The following PRKCE variants were observed in gnomAD, a reference collection of about 807,000 sequenced individuals.
PRKCE encodes the protein protein kinase C epsilon.
A neutral mutation model predicts 85.4 loss-of-function variants in PRKCE; 16 were observed. The observed-to-expected ratio is 0.19, with a 90% CI of 0.13 to 0.28. The LOEUF (loss-of-function observed/expected upper bound fraction) is 0.28, where lower values mean the gene tolerates loss of function less well. PRKCE is among the 10% of genes least tolerant of loss of function. The pLI is 1.00. For synonymous variants in PRKCE, 388 were observed against 371.5 expected, an observed-to-expected ratio of 1.04 and a Z score of -0.51; for missense variants, 573 against 975.2, an observed-to-expected ratio of 0.59 and a Z score of 5.49.
intron 1 of PRKCE, among the ~76,000 whole-genome samples, chr2:45,738,083 G>A (rs1247331598): frequency 1.3e-5 from 2 of 152,036 alleles, no homozygotes; most frequent in African/African-American, 4.8e-5. Flanking sequence ...TTTTGTCTGG[G>A]CTCTTGGAAT....
chr2:46,023,411 T>A (rs1706846194), intron 10 of PRKCE, among the ~76,000 whole-genome samples: 1 of 152,276 alleles, frequency 6.6e-6, no homozygotes, highest in African/African-American at 2.4e-5. Context: ...AAGAAATGAC[T>A]GACAGCCACC....
intron 11 of PRKCE, among the ~76,000 whole-genome samples, chr2:46,119,961 G>C (rs533847926): frequency 1.8e-4 from 28 of 152,288 alleles, no homozygotes; most frequent in African/African-American, 6.0e-4. Context: ...GGGTACCCTG[G>C]GAGTTTGTAG....
intron 10 of PRKCE, among the ~76,000 whole-genome samples, chr2:46,081,921 C>T (rs1669115775): frequency 6.6e-6 from 1 of 152,116 alleles, no homozygotes; most frequent in African/African-American, 2.4e-5. Flanking sequence ...CATGGCAAAA[C>T]CCCATCTCTA....
chr2:45,899,115 C>T (rs993423066), intron 2 of PRKCE, among the ~76,000 whole-genome samples: 1 of 152,178 alleles, frequency 6.6e-6, no homozygotes, highest in African/African-American at 2.4e-5. Flanking sequence ...AGACTGCAGC[C>T]GTTTTGAGTG....
intron 1 of PRKCE, among the ~76,000 whole-genome samples, chr2:45,673,241 G>C (rs1438202114): frequency 1.3e-5 from 2 of 152,204 alleles, no homozygotes; most frequent in Non-Finnish European, 2.9e-5. Context: ...CCTTGGAGCA[G>C]GGTTTCCCAA....
At chr2:45,966,383 G>C (rs185865853) in intron 2 of PRKCE, among the ~76,000 whole-genome samples, 2 of 152,130 alleles carry the variant, frequency 1.3e-5, no homozygotes, top group Admixed American at 6.5e-5. Flanking sequence ...GGATACTGTC[G>C]TGTGTGTCAG....
At chr2:45,969,460 CAGCG>C (rs1701961646) in intron 2 of PRKCE, among the ~76,000 whole-genome samples, 1 of 152,198 alleles carries the variant, frequency 6.6e-6, no homozygotes, top group African/African-American at 2.4e-5. Flanking sequence ...CCAGTGCCAG[CAGCG>C]AGCATCTTTT....
At chr2:45,655,734 G>A (rs1333162885) in intron 1 of PRKCE, among the ~76,000 whole-genome samples, 1 of 151,670 alleles carries the variant, frequency 6.6e-6, no homozygotes, top group Non-Finnish European at 1.5e-5. Flanking sequence ...TACTCAGGAG[G>A]CCAAAGTGGG....
At chr2:45,708,547 T>C (rs1378747512) in intron 1 of PRKCE, among the ~76,000 whole-genome samples, 2 of 152,242 alleles carry the variant, frequency 1.3e-5, no homozygotes, top group Non-Finnish European at 2.9e-5. Flanking sequence ...CCATGTAAGA[T>C]GTGACTTGCT....
chr2:46,161,507 T>C (rs1362951047), intron 14 of PRKCE, among the ~76,000 whole-genome samples: 4 of 151,966 alleles, frequency 2.6e-5, no homozygotes, highest in Admixed American at 2.6e-4. Context: ...CAAAACCACA[T>C]TAAACCAGGC....
At chr2:46,163,887 G>A in intron 14 of PRKCE, among the ~76,000 whole-genome samples, 1 of 142,318 alleles carries the variant, frequency 7.0e-6, no homozygotes, top group Non-Finnish European at 1.5e-5. Context: ...CCACGGGAAA[G>A]GTGAGGTGCA....
chr2:45,964,233 C>T (rs996959867), intron 2 of PRKCE, among the ~76,000 whole-genome samples: 3 of 152,208 alleles, frequency 2.0e-5, no homozygotes, highest in Non-Finnish European at 2.9e-5. Context: ...CAGGCAGAGA[C>T]CCTACTAAGA....
chr2:46,164,819 C>T (rs1166810180), intron 14 of PRKCE: 1 of 152,348 alleles, frequency 6.6e-6, no homozygotes, highest in Non-Finnish European at 1.5e-5. Context: ...TCGCTAGAGG[C>T]TGGGGACCCC....
chr2:45,752,159 A>G (rs1323105843), intron 1 of PRKCE, among the ~76,000 whole-genome samples: 4 of 152,238 alleles, frequency 2.6e-5, no homozygotes, highest in Non-Finnish European at 5.9e-5. Context: ...ATCACATGGA[A>G]TAACTGATAT....
intron 1 of PRKCE, among the ~76,000 whole-genome samples, chr2:45,679,633 G>C (rs565550711): frequency 2.6e-5 from 4 of 152,216 alleles, no homozygotes; most frequent in African/African-American, 9.7e-5. Context: ...GAATGATGGG[G>C]TGGATCGGGA....
intron 1 of PRKCE, among the ~76,000 whole-genome samples, chr2:45,835,975 A>G (rs964046369): frequency 3.3e-5 from 5 of 152,156 alleles, no homozygotes; most frequent in Admixed American, 6.5e-5. Flanking sequence ...GTTGTTGGAC[A>G]TTTGGGACAT....
intron 10 of PRKCE, among the ~76,000 whole-genome samples, chr2:46,051,127 G>A (rs571028858): frequency 5.3e-5 from 8 of 152,314 alleles, no homozygotes; most frequent in African/African-American, 1.9e-4. Context: ...CTACTGAGAT[G>A]ACTTCAGTTC....
chr2:45,994,290 A>G (rs1054974488), intron 6 of PRKCE, among the ~76,000 whole-genome samples: 1 of 152,066 alleles, frequency 6.6e-6, no homozygotes, highest in South Asian at 2.1e-4. Context: ...TCATTGACAC[A>G]TCATCATCAA....
chr2:45,855,158 C>G (rs954886015), intron 2 of PRKCE, among the ~76,000 whole-genome samples: 2 of 152,126 alleles, frequency 1.3e-5, no homozygotes, highest in Non-Finnish European at 1.5e-5. Flanking sequence ...GACTGTTCTT[C>G]TAATGATCTT....
Sources: gnomAD v4.1 joint callset for allele counts (sites outside exome capture counted in the v4.1 genomes callset) on GRCh38, gnomAD v4.1.1 for gene constraint, MANE v1.5 for transcripts, NCBI Gene and HGNC (gene_info 2026-07-23, HGNC 2026-07-21) for gene names.